The following KAZN variants were observed in gnomAD, a reference collection of about 807,000 sequenced individuals.
The protein encoded by KAZN is kazrin.
Under a neutral mutation model 87.4 loss-of-function variants are expected in KAZN, and 40 were observed. The observed-to-expected ratio is 0.46, with a 90% CI of 0.36 to 0.60. The LOEUF (loss-of-function observed/expected upper bound fraction) is 0.60. Ranked by LOEUF, KAZN falls within the 20% of genes least tolerant of loss-of-function variation. The probability of loss-of-function intolerance (pLI) is 0.00; values close to 1 mark genes in which losing one functional copy is unlikely to be tolerated. For synonymous variants in KAZN, 466 were observed against 458.3 expected (o/e 1.02, Z -0.22); for missense variants, 898 against 1,073.9 (o/e 0.84, Z 2.29).
intron 2 of KAZN, among the ~76,000 whole-genome samples, chr1:14,244,298 A>T (rs550886806): frequency 6.6e-6 from 1 of 152,338 alleles, no homozygotes; most frequent in South Asian, 2.1e-4. Context: ...CACCTTTCAG[A>T]GAAGCCACCT....
At chr1:15,070,078 G>T (rs1639439321) in intron 8 of KAZN, among the ~76,000 whole-genome samples, 1 of 152,188 alleles carries the variant, frequency 6.6e-6, no homozygotes, top group Non-Finnish European at 1.5e-5. Context: ...GACAATAGAA[G>T]TGGGCCTCAA....
At chr1:15,103,827 C>G (rs934882687) in intron 12 of KAZN, among the ~76,000 whole-genome samples, 196 bp from the exon 13 acceptor site, 1 of 152,136 alleles carries the variant, frequency 6.6e-6, no homozygotes, top group Non-Finnish European at 1.5e-5. Flanking sequence ...GGGTCAGGGA[C>G]CATCTCAGTA....
At chr1:14,215,582 C>T (rs894998551) in intron 2 of KAZN, among the ~76,000 whole-genome samples, 5 of 152,142 alleles carry the variant, frequency 3.3e-5, no homozygotes, top group East Asian at 3.8e-4. Flanking sequence ...TTCTGCACAA[C>T]GATTGGTTCT....
At chr1:15,078,359 C>G (rs1031241553) in intron 8 of KAZN, among the ~76,000 whole-genome samples, 9 of 151,928 alleles carry the variant, frequency 5.9e-5, no homozygotes, top group Non-Finnish European at 1.0e-4. Flanking sequence ...GAGCCGAGAT[C>G]GTGCCACTGT....
Position 14,862,748 on chromosome 1 carries a change from A to G in KAZN, c.227-97936A>G, listed in dbSNP as rs532415355. 2.6e-5 allele frequency among the ~76,000 whole-genome samples: 4 copies of G among 152,216 alleles called. No individual in the cohort carries two copies. The South Asian group carries it at 8.3e-4, about 32-fold the overall frequency. On this transcript the variant is annotated intron_variant, in intron 1 of 14. Coordinates refer to ENST00000376030, the MANE Select transcript of KAZN (RefSeq NM_201628.3). Reference sequence around the variant, plus strand: ...TGCTATGTGCTCATAATACATTGACACTAAGTTCTTCATATATATTCGGGA... The same window carrying G: ...TGCTATGTGCTCATAATACATTGACGCTAAGTTCTTCATATATATTCGGGA...
chr1:14,867,724 A>ACCT (rs1651637674), intron 1 of KAZN, among the ~76,000 whole-genome samples: 1 of 107,422 alleles, frequency 9.3e-6, no homozygotes, highest in Admixed American at 1.1e-4. Context: ...CTTTGAAGAC[A>ACCT]CCCCCCCCCC....
At chr1:14,380,226 C>A (rs150349090) in intron 2 of KAZN, among the ~76,000 whole-genome samples, 140 of 152,262 alleles carry the variant, frequency 9.2e-4, no homozygotes, top group African/African-American at 3.3e-3. Context: ...TTTTGAAAAC[C>A]TGGAAAGCCT....
At chr1:14,718,543 T>G (rs1322282855) in intron 1 of KAZN, among the ~76,000 whole-genome samples, 1 of 152,242 alleles carries the variant, frequency 6.6e-6, no homozygotes. Context: ...TTTCTCTGAA[T>G]TATGTGTGAT....
intron 2 of KAZN, among the ~76,000 whole-genome samples, chr1:14,183,117 G>T (rs1386688963): frequency 7.2e-5 from 11 of 152,146 alleles, no homozygotes. Flanking sequence ...GAGAGTGACT[G>T]CTTAAAATGC....
At chr1:14,357,670 ATT>A (rs879627430) in intron 2 of KAZN, among the ~76,000 whole-genome samples, 23 of 152,264 alleles carry the variant, frequency 1.5e-4, no homozygotes, top group East Asian at 1.2e-3. Context: ...TTCTGCATCT[ATT>A]GAGATAATCA....
intron 2 of KAZN, among the ~76,000 whole-genome samples, chr1:14,581,927 TC>T (rs1675578457): frequency 6.6e-6 from 1 of 152,098 alleles, no homozygotes; most frequent in Non-Finnish European, 1.5e-5. Flanking sequence ...TAGTTCCTGT[TC>T]CCCTCTCTTT....
At chr1:15,086,505 T>C (rs1318860422) in intron 8 of KAZN, among the ~76,000 whole-genome samples, 5 of 152,216 alleles carry the variant, frequency 3.3e-5, no homozygotes, top group African/African-American at 7.2e-5. Context: ...AAAACACTTG[T>C]AATCGAAAAA....
At chr1:13,942,568 AAAAATGTATAT>A (rs1380414573) in intron 1 of KAZN, among the ~76,000 whole-genome samples, 1,795 of 125,270 alleles carry the variant, frequency 0.014, 84 homozygotes, top group African/African-American at 0.045. Flanking sequence ...AAAAAAAAAA[AAAAATGTATAT>A]ATATAATTCA....
intron 1 of KAZN, among the ~76,000 whole-genome samples, chr1:14,883,393 A>AAG (rs1297175952): frequency 7.2e-6 from 1 of 139,716 alleles, no homozygotes. Context: ...GAAAGAAAGA[A>AAG]AGAAAGAAAG....
intron 2 of KAZN, among the ~76,000 whole-genome samples, chr1:15,006,055 G>A (rs1427309089): frequency 6.6e-6 from 1 of 152,320 alleles, no homozygotes; most frequent in African/African-American, 2.4e-5. Context: ...TGTGAGCTGT[G>A]TCAGAGACAG....
chr1:14,740,789 CCTT>C (rs1209371419), intron 1 of KAZN, among the ~76,000 whole-genome samples: 3 of 152,200 alleles, frequency 2.0e-5, no homozygotes, highest in African/African-American at 4.8e-5. Flanking sequence ...CTTTAGCCCT[CCTT>C]CTTGCCAGCC....
intron 2 of KAZN, among the ~76,000 whole-genome samples, chr1:14,406,262 AAAAAAT>A (rs1238796450): frequency 2.6e-5 from 4 of 152,168 alleles, no homozygotes; most frequent in East Asian, 3.8e-4. Context: ...TAATAATTTT[AAAAAAT>A]AAAAATAAAA....
chr1:14,887,666 G>GTTT (rs79148240), intron 1 of KAZN, among the ~76,000 whole-genome samples: 70 of 137,208 alleles, frequency 5.1e-4, no homozygotes, highest in African/African-American at 1.6e-3. Flanking sequence ...CGTCGTGGTA[G>GTTT]TTTTTTTTTT....
chr1:14,005,584 TA>T (rs779447970), intron 1 of KAZN, among the ~76,000 whole-genome samples: 6 of 152,198 alleles, frequency 3.9e-5, no homozygotes, highest in African/African-American at 7.2e-5. Flanking sequence ...GTTGAAGACA[TA>T]ATCTGTTAAT....
Sources: gnomAD v4.1 joint callset for allele counts (sites outside exome capture counted in the v4.1 genomes callset) on GRCh38, gnomAD v4.1.1 for gene constraint, MANE v1.5 for transcripts, NCBI Gene and HGNC (gene_info 2026-07-23, HGNC 2026-07-21) for gene names.